The following ADAMTS19 variants were observed in gnomAD, a reference collection of about 807,000 sequenced individuals.
ADAMTS19 encodes ADAM metallopeptidase with thrombospondin type 1 motif 19, also known as A disintegrin and metalloproteinase with thrombospondin motifs 19.
In ADAMTS19, 93 loss-of-function variants were observed where a neutral mutation model predicts 153.3. The ratio of observed to expected loss-of-function variants is 0.61; its 90% CI spans 0.51 to 0.72. The LOEUF is 0.72. Ranked by LOEUF, ADAMTS19 falls within the 30% of genes least tolerant of loss-of-function variation. ADAMTS19 has a pLI of 0.00. For synonymous variants in ADAMTS19, 600 were observed against 556.6 expected, an observed-to-expected ratio of 1.08 and a Z score of -1.10; for missense variants, 1,482 against 1,552.1, an observed-to-expected ratio of 0.95 and a Z score of 0.76.
intron 21 of ADAMTS19, among the ~76,000 whole-genome samples, chr5:129,732,829 A>G (rs1216179712): frequency 6.6e-6 from 1 of 152,110 alleles, no homozygotes; most frequent in Non-Finnish European, 1.5e-5. Context: ...AAATTCATAC[A>G]GAACTCCAAA....
At chr5:129,530,031 G>T (rs1752145481) in intron 6 of ADAMTS19, among the ~76,000 whole-genome samples, 1 of 151,978 alleles carries the variant, frequency 6.6e-6, no homozygotes, top group South Asian at 2.1e-4. Flanking sequence ...CCCTACCAAA[G>T]AATAAAATCA....
intron 6 of ADAMTS19, among the ~76,000 whole-genome samples, chr5:129,535,271 C>G (rs1752372580): frequency 6.6e-6 from 1 of 152,058 alleles, no homozygotes; most frequent in African/African-American, 2.4e-5. Flanking sequence ...ACACCAATAG[C>G]AGACAAACAG....
intron 11 of ADAMTS19, among the ~76,000 whole-genome samples, chr5:129,643,491 G>C (rs1281188474): frequency 6.6e-6 from 1 of 151,866 alleles, no homozygotes; most frequent in Non-Finnish European, 1.5e-5. Flanking sequence ...GTACATCAAT[G>C]AGAGGGATGG....
Position 129,689,883 on chromosome 5 carries a change from A to G in ADAMTS19, c.2819-4837A>G, listed in dbSNP as rs1755254586. On this transcript the variant is annotated intron_variant, in intron 18 of 22. Transcript: ENST00000274487. ...TCATTTATTAATAAAAACATCTTAT[A>G]TTGACAGAAACTATTCATAACCTTG... 2.0e-5 allele frequency among the ~76,000 whole-genome samples: 3 copies of G among 152,256 alleles called. No homozygotes were observed. In the South Asian group the frequency reaches 6.2e-4, roughly 31 times the overall value.
chr5:129,466,739 T>A (rs1749873966), intron 2 of ADAMTS19, among the ~76,000 whole-genome samples: 1 of 152,182 alleles, frequency 6.6e-6, no homozygotes, highest in South Asian at 2.1e-4. Context: ...ATTGTAAAAA[T>A]ACATGCCGTT....
At chr5:129,697,784 T>G (rs540919916) in intron 19 of ADAMTS19, among the ~76,000 whole-genome samples, 1 of 152,282 alleles carries the variant, frequency 6.6e-6, no homozygotes, top group Non-Finnish European at 1.5e-5. Context: ...TTCCTCAGAA[T>G]TCTCTTTTTC....
chr5:129,581,169 GT>G (rs1445357574), intron 7 of ADAMTS19, among the ~76,000 whole-genome samples: 1 of 152,202 alleles, frequency 6.6e-6, no homozygotes, highest in African/African-American at 2.4e-5. Context: ...TTGGGAGGGT[GT>G]ATGTGTCCAG....
intron 17 of ADAMTS19, among the ~76,000 whole-genome samples, chr5:129,681,773 C>T (rs1169431565): frequency 1.3e-5 from 2 of 152,150 alleles, no homozygotes; most frequent in Non-Finnish European, 1.5e-5. Flanking sequence ...TGCATCACCT[C>T]ACAGTCCCAT....
At chr5:129,711,921 C>T (rs1756498517) in intron 21 of ADAMTS19, among the ~76,000 whole-genome samples, 2 of 151,904 alleles carry the variant, frequency 1.3e-5, no homozygotes, top group Non-Finnish European at 1.5e-5. Flanking sequence ...TTGCAGAGGA[C>T]ATAGCTAATT....
Position 129,527,729 on chromosome 5 carries a change from T to G in ADAMTS19, c.1087-19T>G, listed in dbSNP as rs572597290. On this transcript the variant is annotated intron_variant, in intron 4 of 22. Transcript: ENST00000274487. ...ATTTTCAGTTTAATTTTAGGATTTT[T>G]ATTTTTATTTGTTTTTAGGTATTTA... The G allele has an allele frequency of 7.0e-7, 1 of 1,429,210 alleles. No individual in the cohort carries two copies. Among genetic ancestry groups the G allele is most frequent in the Non-Finnish European group, 9.7e-7 (1 of 1,032,916 alleles). The allele number at this position is 1,429,210 out of a possible 1,614,324, so 88.5% of individuals were successfully genotyped here.
chr5:129,520,908 G>A (rs1270685673), intron 3 of ADAMTS19, among the ~76,000 whole-genome samples: 4 of 152,074 alleles, frequency 2.6e-5, no homozygotes, highest in Admixed American at 6.6e-5. Context: ...CCAGCTCCAT[G>A]CCCTAATTTG....
chr5:129,546,669 TG>T (rs1752872229), intron 6 of ADAMTS19, among the ~76,000 whole-genome samples: 1 of 150,758 alleles, frequency 6.6e-6, no homozygotes, highest in South Asian at 2.1e-4. Flanking sequence ...ATAATAAAAA[TG>T]AAAGCAAAAG....
intron 8 of ADAMTS19, among the ~76,000 whole-genome samples, chr5:129,602,641 A>G (rs1440806863): frequency 2.0e-5 from 3 of 152,166 alleles, no homozygotes; most frequent in Non-Finnish European, 4.4e-5. Flanking sequence ...CATTAAGTAT[A>G]TTGTAAAGAT....
chr5:129,590,136 C>T (rs144131475), intron 7 of ADAMTS19, among the ~76,000 whole-genome samples: 107 of 152,188 alleles, frequency 7.0e-4, no homozygotes, highest in African/African-American at 2.3e-3. Flanking sequence ...GAATCTCCAT[C>T]CCCTACTCAC....
At chr5:129,544,355 G>C (rs1752772464) in intron 6 of ADAMTS19, among the ~76,000 whole-genome samples, 1 of 152,092 alleles carries the variant, frequency 6.6e-6, no homozygotes, top group Non-Finnish European at 1.5e-5. Context: ...GAAAGTAGCT[G>C]CATGATATAA....
At chr5:129,656,922 A>G (rs1013215407) in intron 14 of ADAMTS19, among the ~76,000 whole-genome samples, 1 of 152,198 alleles carries the variant, frequency 6.6e-6, no homozygotes, top group East Asian at 1.9e-4. Context: ...ATAGAGCAAT[A>G]AAGATACTTT....
intron 6 of ADAMTS19, among the ~76,000 whole-genome samples, chr5:129,545,387 T>C (rs1428234627): frequency 6.6e-6 from 1 of 152,104 alleles, no homozygotes; most frequent in Non-Finnish European, 1.5e-5. Flanking sequence ...GGTTAAGAGA[T>C]GCAAATACAC....
chr5:129,572,759 A>C (rs1753958267), intron 7 of ADAMTS19, among the ~76,000 whole-genome samples: 1 of 151,828 alleles, frequency 6.6e-6, no homozygotes. Flanking sequence ...GATGAGGGAG[A>C]GGGGAGGCTG....
intron 6 of ADAMTS19, among the ~76,000 whole-genome samples, chr5:129,537,205 G>C (rs1406251550): frequency 6.6e-6 from 1 of 152,106 alleles, no homozygotes; most frequent in East Asian, 1.9e-4. Context: ...TCAGAGAAAT[G>C]CAAATCAAAA....
Sources: allele counts gnomAD v4.1 joint callset (sites outside exome capture counted in the v4.1 genomes callset), GRCh38; gene constraint gnomAD v4.1.1; transcripts MANE v1.5; gene names NCBI Gene and HGNC (gene_info 2026-07-23, HGNC 2026-07-21).